The following TOX2 variants were observed in gnomAD, a reference collection of about 807,000 sequenced individuals.
TOX2 encodes TOX high mobility group box family member 2, also known as granulosa cell HMG box 1.
In TOX2, 15 loss-of-function variants were observed where a neutral mutation model predicts 47.4. The ratio of observed to expected loss-of-function variants is 0.32; its 90% confidence interval spans 0.21 to 0.49. The LOEUF (loss-of-function observed/expected upper bound fraction) is 0.49. Ranked by LOEUF, TOX2 falls within the 20% of genes least tolerant of loss-of-function variation. The probability of loss-of-function intolerance (pLI) is 0.99; values close to 1 mark genes in which losing one functional copy is unlikely to be tolerated. For missense variants in TOX2, 622 were observed against 673.1 expected, an observed-to-expected ratio of 0.92 and a Z score of 0.84; for synonymous variants, 290 against 296.6, an observed-to-expected ratio of 0.98 and a Z score of 0.23.
At position 43,916,811 on chromosome 20, in the gene TOX2, G is replaced by A. The variant is rs1402098051; in HGVS notation, c.99+1821G>A. The stretch of plus-strand genomic sequence containing the variant: ...TTTAGCCTGGAGCGCTCCGTTTGAG[G>A]GTGGTGTTTCTATAAATCTCGCCAG... On this transcript the variant is annotated intron_variant, in intron 1 of 8. Coordinates refer to ENST00000341197, the MANE Select transcript of TOX2 (RefSeq NM_001098797.2). The surrounding 1 kb of genome is among the most constrained non-coding windows in gnomAD (Gnocchi z 5.0). 6.6e-6 allele frequency among the ~76,000 whole-genome samples: 1 copy of A among 152,182 alleles called. No homozygotes were observed. Among genetic ancestry groups the A allele is most frequent in the Non-Finnish European group, 1.5e-5 (1 of 68,040 alleles).
intron 2 of TOX2, among the ~76,000 whole-genome samples, chr20:43,982,428 G>A (rs2070184673): frequency 6.6e-6 from 1 of 152,162 alleles, no homozygotes; most frequent in Non-Finnish European, 1.5e-5. Flanking sequence ...AAAGGATCAG[G>A]GAATCTAAGC....
At chr20:43,957,888 C>T (rs1300305860) in intron 1 of TOX2, among the ~76,000 whole-genome samples, 1 of 152,164 alleles carries the variant, frequency 6.6e-6, no homozygotes, top group East Asian at 1.9e-4. Context: ...AAGCGTTACA[C>T]ACTTTCAAAC....
At chr20:44,046,007 C>A (rs938269926) in intron 3 of TOX2, among the ~76,000 whole-genome samples, 1 of 152,154 alleles carries the variant, frequency 6.6e-6, no homozygotes, top group African/African-American at 2.4e-5. Flanking sequence ...ATTTTAAAAC[C>A]TTCTATAAAA....
intron 2 of TOX2, among the ~76,000 whole-genome samples, chr20:43,982,597 C>T (rs2070187358): frequency 6.6e-6 from 1 of 151,742 alleles, no homozygotes; most frequent in Non-Finnish European, 1.5e-5. Flanking sequence ...GCCTGGTATG[C>T]CTGGGGAGCA....
intron 2 of TOX2, among the ~76,000 whole-genome samples, chr20:43,990,774 G>A (rs2070355744): frequency 6.6e-6 from 1 of 152,178 alleles, no homozygotes; most frequent in Admixed American, 6.5e-5. Context: ...TCAGCCTGGT[G>A]TCCTGGGATC....
chr20:44,051,437 C>T lies in TOX2; in HGVS notation c.543C>T (p.Gly181=), dbSNP rs757596336. 6.9e-5 allele frequency: 112 copies of T among 1,613,988 alleles called. No individual in the cohort carries two copies. In the East Asian group the frequency reaches 2.2e-3, roughly 31 times the overall value. The change falls in exon 4 of 9, where the codon GGC becomes GGT. Residue 181 remains glycine, a synonymous_variant. Transcript: ENST00000341197. ...AGTCCCAGCTCATCTCGCAGATGGG[C>T]ATCCGGAGCAGCATCGCCCACAGCT... is the stretch of plus-strand genomic sequence containing the variant. The part of the protein sequence containing the change: ...LSQSQLISQM[G]IRSSIAHSSP...
intron 1 of TOX2, among the ~76,000 whole-genome samples, chr20:43,946,987 A>G (rs565078676): frequency 9.2e-5 from 14 of 152,216 alleles, no homozygotes; most frequent in Non-Finnish European, 1.8e-4. Flanking sequence ...CATTTGGAAC[A>G]TCCTGGGTGA....
At chr20:43,989,585 G>A (rs2070332182) in intron 2 of TOX2, among the ~76,000 whole-genome samples, 1 of 152,100 alleles carries the variant, frequency 6.6e-6, no homozygotes, top group African/African-American at 2.4e-5. Context: ...TTCGAGACCA[G>A]CCTGGCCAAC....
At chr20:44,060,799 C>A (rs1045299756) in intron 5 of TOX2, among the ~76,000 whole-genome samples, 3 of 151,992 alleles carry the variant, frequency 2.0e-5, no homozygotes, top group Non-Finnish European at 2.9e-5. Context: ...ATGCCTACAT[C>A]AAAAAGTCTG....
At chr20:43,927,458 A>AACTAAC (rs1345762660) in intron 1 of TOX2, among the ~76,000 whole-genome samples, 1 of 131,382 alleles carries the variant, frequency 7.6e-6, no homozygotes, top group Admixed American at 7.6e-5. Flanking sequence ...TGATCTATAT[A>AACTAAC]ACACACACAC....
At chr20:43,925,493 G>T (rs1246342277) in intron 1 of TOX2, among the ~76,000 whole-genome samples, 1 of 152,168 alleles carries the variant, frequency 6.6e-6, no homozygotes, top group Non-Finnish European at 1.5e-5. Flanking sequence ...GTGCTCACCC[G>T]CAGGAGGGAG....
At chr20:44,010,500 G>T (rs2070760824) in intron 3 of TOX2, among the ~76,000 whole-genome samples, 1 of 152,200 alleles carries the variant, frequency 6.6e-6, no homozygotes, top group Admixed American at 6.5e-5. Context: ...GGACCAACTG[G>T]GAAAACCAGA....
chr20:43,927,769 C>T (rs2069196596), intron 1 of TOX2, among the ~76,000 whole-genome samples: 2 of 135,202 alleles, frequency 1.5e-5, no homozygotes, highest in South Asian at 4.8e-4. Context: ...CCCTCCCTCC[C>T]TCCCTCTTTC....
chr20:44,058,712 C>T (rs562818600), intron 5 of TOX2, among the ~76,000 whole-genome samples: 49 of 152,334 alleles, frequency 3.2e-4, no homozygotes, highest in Middle Eastern at 3.4e-3. Flanking sequence ...AGACAGATCA[C>T]ATCACAGGAC....
intron 2 of TOX2, among the ~76,000 whole-genome samples, chr20:43,997,259 A>G (rs916148734): frequency 2.6e-5 from 4 of 152,222 alleles, no homozygotes; most frequent in African/African-American, 9.6e-5. Flanking sequence ...CAACAAGCAG[A>G]TACAATAACA....
At chr20:43,968,066 C>A (rs2069891110) in intron 1 of TOX2, among the ~76,000 whole-genome samples, 4 of 151,836 alleles carry the variant, frequency 2.6e-5, no homozygotes, top group Admixed American at 2.0e-4. Context: ...GTGTACAATC[C>A]CTCACCCATC....
intron 3 of TOX2, among the ~76,000 whole-genome samples, chr20:44,041,458 T>A (rs1405620116): frequency 6.6e-6 from 1 of 152,230 alleles, no homozygotes; most frequent in East Asian, 1.9e-4. Context: ...GTTTTTTAAA[T>A]GCCCTAGAAA....
intron 1 of TOX2, among the ~76,000 whole-genome samples, chr20:43,933,235 G>T (rs6103518): frequency 2.6e-5 from 4 of 152,118 alleles, no homozygotes; most frequent in East Asian, 1.9e-4. Context: ...GTGAACTTTG[G>T]GGGGACCACA....
At chr20:43,960,299 C>T (rs1240878833) in intron 1 of TOX2, among the ~76,000 whole-genome samples, 1 of 152,190 alleles carries the variant, frequency 6.6e-6, no homozygotes, top group Non-Finnish European at 1.5e-5. Flanking sequence ...GCTGCTGCCC[C>T]TATCAGCTGA....
Sources: allele counts gnomAD v4.1 joint callset (sites outside exome capture counted in the v4.1 genomes callset), GRCh38; gene constraint gnomAD v4.1.1; non-coding constraint Gnocchi (gnomAD v3.1); transcripts MANE v1.5; gene names NCBI Gene and HGNC (gene_info 2026-07-23, HGNC 2026-07-21).